The following NEBL variants were observed in gnomAD, a reference collection of about 807,000 sequenced individuals.
NEBL encodes LIM and SH3 protein 2.
A neutral mutation model predicts 140.2 loss-of-function variants in NEBL; 122 were observed. The ratio of observed to expected loss-of-function variants is 0.87; its 90% CI spans 0.75 to 1.01. The LOEUF is 1.01. NEBL is among the 50% of genes least tolerant of loss of function. NEBL has a pLI of 0.00. For synonymous variants in NEBL, 436 were observed against 398.9 expected (o/e 1.09, Z -1.11); for missense variants, 1,365 against 1,231.3 (o/e 1.11, Z -1.62).
chr10:20,932,115 T>G (rs2131537425), intron 4 of NEBL, among the ~76,000 whole-genome samples: 1 of 152,316 alleles, frequency 6.6e-6, no homozygotes, highest in Non-Finnish European at 1.5e-5. Flanking sequence ...AAAACTTAAA[T>G]TCATCTTCTT....
At chr10:21,282,081 G>A (rs967702802) in intron 1 of NEBL, among the ~76,000 whole-genome samples, 15 of 152,178 alleles carry the variant, frequency 9.9e-5, no homozygotes, top group African/African-American at 3.6e-4. Context: ...TTGTGCGTAT[G>A]TGAGACTTTT....
At chr10:21,280,273 A>G (rs371786704) in intron 1 of NEBL, among the ~76,000 whole-genome samples, 1 of 152,190 alleles carries the variant, frequency 6.6e-6, no homozygotes, top group East Asian at 1.9e-4. Context: ...TCATTTCTAC[A>G]TGTGAAATGG....
At chr10:20,850,582 A>G in intron 10 of NEBL, 80 bp from the exon 11 acceptor site, 1 of 901,338 alleles carries the variant, frequency 1.1e-6, no homozygotes, top group Non-Finnish European at 1.8e-6. Context: ...TATATGTTCT[A>G]AACTAGTCAT....
At chr10:20,844,210 G>A (rs781061142) in intron 12 of NEBL, among the ~76,000 whole-genome samples, 1 of 152,020 alleles carries the variant, frequency 6.6e-6, no homozygotes, top group Non-Finnish European at 1.5e-5. Context: ...TATTAAAGAA[G>A]TTCATGATGA....
chr10:20,899,176 C>A (rs1331675933), upstream of NEBL, among the ~76,000 whole-genome samples: 3 of 152,150 alleles, frequency 2.0e-5, no homozygotes, highest in Admixed American at 2.0e-4. Flanking sequence ...GGCCAGAAGA[C>A]TATTCTAATA....
rs1841159829 is a variant in NEBL, at chr10:21,173,198, C to T, written c.69+567G>A. 6.6e-6 allele frequency among the ~76,000 whole-genome samples: 1 copy of T among 152,236 alleles called. No individual in the cohort carries two copies. The highest frequency in any genetic ancestry group is 1.5e-5 in the Non-Finnish European group (1 of 68,038). On this transcript the variant is annotated intron_variant, in intron 1 of 6. Transcript: ENST00000417816. This position sits in a 1 kb window ranked among gnomAD's most constrained non-coding sequence, Gnocchi z 5.7. Reference sequence around the variant, plus strand: ...GAACTACTTCCCCTGGAATTCCCCACCCGGTGGATTAGACACCCGTGGGTC... The same window carrying T: ...GAACTACTTCCCCTGGAATTCCCCATCCGGTGGATTAGACACCCGTGGGTC...
At chr10:21,154,287 T>C (rs1589291288) in intron 2 of NEBL, among the ~76,000 whole-genome samples, 1 of 151,548 alleles carries the variant, frequency 6.6e-6, no homozygotes, top group Non-Finnish European at 1.5e-5. Context: ...GGTGAAACCC[T>C]CTCTCTACTA....
At chr10:20,927,585 A>G (rs1833974268) in intron 4 of NEBL, among the ~76,000 whole-genome samples, 1 of 152,232 alleles carries the variant, frequency 6.6e-6, no homozygotes. Flanking sequence ...GAGAGTCATA[A>G]TTTCAACTAT....
intron 1 of NEBL, among the ~76,000 whole-genome samples, chr10:21,272,243 G>A (rs1165217439): frequency 6.7e-6 from 1 of 150,038 alleles, no homozygotes; most frequent in East Asian, 2.0e-4. Context: ...GGAATTACAG[G>A]CGTAAGCCAC....
At chr10:21,235,949 G>T (rs1221272772) in intron 3 of NEBL, among the ~76,000 whole-genome samples, 2 of 152,072 alleles carry the variant, frequency 1.3e-5, no homozygotes, top group African/African-American at 2.4e-5. Context: ...AAATGGAAAA[G>T]AAACGACTTT....
intron 5 of NEBL, among the ~76,000 whole-genome samples, chr10:20,872,251 G>A (rs1845021738): frequency 1.3e-5 from 2 of 152,172 alleles, no homozygotes; most frequent in African/African-American, 2.4e-5. Flanking sequence ...AGTAGAAGCC[G>A]GCATATGTGA....
intron 2 of NEBL, among the ~76,000 whole-genome samples, chr10:21,141,244 T>G (rs984603384): frequency 2.0e-5 from 3 of 152,194 alleles, no homozygotes; most frequent in African/African-American, 7.2e-5. Context: ...GTCTGTAGAT[T>G]AGATAATATG....
intron 2 of NEBL, among the ~76,000 whole-genome samples, chr10:21,102,821 G>C (rs1212745556): frequency 6.6e-6 from 1 of 152,102 alleles, no homozygotes; most frequent in Non-Finnish European, 1.5e-5. Flanking sequence ...TTTTTTGTTT[G>C]TTTGTTTTAT....
At chr10:20,911,383 A>G (rs183032096) in intron 4 of NEBL, among the ~76,000 whole-genome samples, 2 of 152,286 alleles carry the variant, frequency 1.3e-5, no homozygotes, top group East Asian at 1.9e-4. Flanking sequence ...AAATGTATAT[A>G]CCCGTTGTGA....
chr10:21,030,632 C>A (rs1354256488), intron 2 of NEBL: 1 of 546,740 alleles, frequency 1.8e-6, no homozygotes, highest in Non-Finnish European at 3.5e-6. Context: ...AAAGGACCAG[C>A]AAGGAAAGAT....
At chr10:20,948,691 C>T (rs2131587932) in intron 4 of NEBL, among the ~76,000 whole-genome samples, 1 of 152,324 alleles carries the variant, frequency 6.6e-6, no homozygotes, top group South Asian at 2.1e-4. Context: ...CACTTTATTT[C>T]TCCAACAGAG....
intron 1 of NEBL, among the ~76,000 whole-genome samples, chr10:21,272,370 G>A (rs1842871392): frequency 6.6e-6 from 1 of 151,994 alleles, no homozygotes; most frequent in Admixed American, 6.6e-5. Context: ...GATCGCTTGA[G>A]GCCAGAAGTT....
At chr10:20,881,458 T>C (rs1846009873) in intron 4 of NEBL, among the ~76,000 whole-genome samples, 1 of 152,162 alleles carries the variant, frequency 6.6e-6, no homozygotes, top group South Asian at 2.1e-4. Context: ...TACCACCATG[T>C]TGAATTTCCT....
intron 2 of NEBL, among the ~76,000 whole-genome samples, chr10:21,139,722 C>G (rs1225459280): frequency 6.6e-6 from 1 of 152,154 alleles, no homozygotes; most frequent in African/African-American, 2.4e-5. Context: ...GACCTGCTTT[C>G]CACAGTGCAC....
Sources: gnomAD v4.1 joint callset for allele counts (sites outside exome capture counted in the v4.1 genomes callset) on GRCh38, gnomAD v4.1.1 for gene constraint, Gnocchi (gnomAD v3.1) non-coding constraint, MANE v1.5 for transcripts, NCBI Gene and HGNC (gene_info 2026-07-23, HGNC 2026-07-21) for gene names.